Variants in ADAM19 observed in about 807,000 individuals in gnomAD.
ADAM19 encodes disintegrin and metalloproteinase domain-containing protein 19.
Under a neutral mutation model 114.7 loss-of-function variants are expected in ADAM19, and 65 were observed. That is an observed-to-expected ratio of 0.57 (90% CI 0.46 to 0.70). The LOEUF (loss-of-function observed/expected upper bound fraction) is 0.70, where lower values mean the gene tolerates loss of function less well. Among genes scored for constraint, ADAM19 ranks in the 30% least tolerant of loss-of-function variants. The pLI, the probability that ADAM19 is intolerant of heterozygous loss-of-function variation, is 0.00. For synonymous variants in ADAM19, 466 were observed against 460.5 expected, an observed-to-expected ratio of 1.01 and a Z score of -0.15; for missense variants, 1,063 against 1,204.7, an observed-to-expected ratio of 0.88 and a Z score of 1.74.
chr5:157,534,563 C>G (rs1322688428), intron 4 of ADAM19, among the ~76,000 whole-genome samples: 1 of 152,092 alleles, frequency 6.6e-6, no homozygotes, highest in East Asian at 1.9e-4. Context: ...GAGGCCAAGG[C>G]AAGAGGATCA....
At chr5:157,493,387 C>T (rs1345753170) in intron 15 of ADAM19, among the ~76,000 whole-genome samples, 1 of 152,150 alleles carries the variant, frequency 6.6e-6, no homozygotes, top group East Asian at 1.9e-4. Context: ...TGACCCTGAG[C>T]AAATCTAGAC....
chr5:157,554,403 G>A lies in ADAM19; in HGVS notation c.251+9970C>T, dbSNP rs189973139. 2.8e-4 allele frequency among the ~76,000 whole-genome samples: 42 copies of A among 152,360 alleles called. No homozygotes were observed. In the East Asian group the frequency reaches 7.9e-3, roughly 29 times the overall value. On this transcript the variant is annotated intron_variant, in intron 3 of 22. Coordinates refer to ENST00000257527, the MANE Select transcript of ADAM19 (RefSeq NM_033274.5). ...TGGCTGCACAGGCAGCCCTGGCTGC[G>A]GATCCCTGGAAGGAGAGCCGGAACC...
chr5:157,477,559 T>C lies in ADAM19; in HGVS notation c.*3390A>G, dbSNP rs1456957519. On this transcript the variant is annotated 3_prime_UTR_variant, in exon 23 of 23. Coordinates refer to ENST00000257527, the MANE Select transcript of ADAM19 (RefSeq NM_033274.5). The stretch of plus-strand genomic sequence containing the variant: ...CGCGTTGGGGGTGACTTTGGAAATG[T>C]GGGCTTGGATTCTACAGAACCTCTC... The C allele has an allele frequency of 9.2e-6, 11 of 1,191,762 alleles. No homozygotes were observed. Among genetic ancestry groups the C allele is most frequent in the Non-Finnish European group, 1.1e-5 (10 of 937,624 alleles). 73.8% of individuals were successfully genotyped at this position (1,191,762 alleles called of 1,614,324 possible).
intron 14 of ADAM19, 47 bp from the exon 15 acceptor site, chr5:157,494,842 C>T (rs1030951115): frequency 4.0e-6 from 6 of 1,490,494 alleles, no homozygotes; most frequent in Non-Finnish European, 5.6e-6. Flanking sequence ...TGTCAGAAGC[C>T]CCCAAGGGCA....
intron 3 of ADAM19, among the ~76,000 whole-genome samples, chr5:157,560,979 G>C (rs1015536611): frequency 6.6e-6 from 1 of 152,142 alleles, no homozygotes; most frequent in African/African-American, 2.4e-5. Flanking sequence ...TATGACATGG[G>C]ACTATAATTA....
intron 21 of ADAM19, among the ~76,000 whole-genome samples, chr5:157,485,215 A>G (rs1247585463): frequency 6.6e-6 from 1 of 152,148 alleles, no homozygotes. Context: ...AGCTTTTACC[A>G]TCTTTCTTCA....
chr5:157,503,824 G>A (rs1755646021), intron 11 of ADAM19, among the ~76,000 whole-genome samples: 1 of 152,206 alleles, frequency 6.6e-6, no homozygotes, highest in African/African-American at 2.4e-5. Flanking sequence ...CTGTTCTAAG[G>A]ATGCAGAGGG....
chr5:157,562,353 T>C (rs1415125564), intron 3 of ADAM19, among the ~76,000 whole-genome samples: 5 of 152,096 alleles, frequency 3.3e-5, no homozygotes, highest in African/African-American at 9.7e-5. Flanking sequence ...TGCGGCTCAA[T>C]GGGAAACGAG....
rs1157862170 is a variant in ADAM19, at chr5:157,479,639, G to C, written c.*1310C>G. 1 of 985,848 alleles carries C rather than the reference G, an allele frequency of 1.0e-6. No homozygotes were observed. The highest frequency in any genetic ancestry group is 1.7e-5 in the African/African-American group (1 of 57,210). The allele number at this position is 985,848 out of a possible 1,614,324, so 61.1% of individuals were successfully genotyped here. A position where few individuals can be genotyped will look rare whatever the true frequency, so the allele number is the denominator to read the frequency against. ...CTCTCTTTCTGTGAGGGTCAGGTAA[G>C]GGCAGTGACCAGAGAGAGAACAAAA... On this transcript the variant is annotated 3_prime_UTR_variant, in exon 23 of 23. Transcript: ENST00000257527.
rs745502767 is a variant in ADAM19 at position 157,489,180 on chromosome 5, G to A, written c.2247C>T (p.Pro749=). 1.2e-5 allele frequency: 20 copies of A among 1,613,196 alleles called. No individual in the cohort carries two copies. Among genetic ancestry groups the A allele is most frequent in the Non-Finnish European group, 1.5e-5 (18 of 1,179,312 alleles). The stretch of plus-strand genomic sequence containing the variant: ...TCCCGCTGTTCTGAGAAACCCTGAA[G>A]GGACAACTAGAAACAAGAAATGGGG... The part of the protein sequence containing the change: ...PSKLRQQFSC[P]FRVSQNSGTG... Residue 749 remains proline, a synonymous_variant, in exon 20 of 23, where the codon CCC becomes CCT. Transcript: ENST00000257527.
intron 5 of ADAM19, among the ~76,000 whole-genome samples, chr5:157,521,974 A>C (rs926633189): frequency 1.3e-5 from 2 of 152,218 alleles, no homozygotes; most frequent in African/African-American, 4.8e-5. Flanking sequence ...CCATAGAGGA[A>C]TCAGGGAAAG....
intron 3 of ADAM19, among the ~76,000 whole-genome samples, chr5:157,540,647 C>G (rs1020363040): frequency 6.6e-6 from 1 of 152,164 alleles, no homozygotes; most frequent in African/African-American, 2.4e-5. Flanking sequence ...GCAGGCAGTA[C>G]ATGTGCATTC....
rs1755299042 is a variant in ADAM19, at chr5:157,494,718, T to C, written c.1672A>G (p.Met558Val). 3.7e-6 allele frequency: 6 copies of C among 1,613,600 alleles called. No homozygotes were observed. Among genetic ancestry groups the C allele is most frequent in the Admixed American group, 1.7e-5 (1 of 60,002 alleles). The change falls in exon 15 of 23, where the codon ATG becomes GTG. Residue 558 changes from methionine to valine, a missense_variant. Physicochemically the swap from Met to Val is conservative, Grantham distance 21. Around this residue, in one of 3 missense-constraint regions of ADAM19, gnomAD observed 24 missense variants for 53.0 expected, o/e 0.45. Transcript: ENST00000257527. ...TTGCACTTCCTGTGTTCACCATTCA[T>C]GTCCTTTCCACAGTTTCCAAAGGTG... ...GDTFGNCGKD[M>V]NGEHRKCNMR... is the part of the protein sequence containing the mutation.
intron 6 of ADAM19, 121 bp from the exon 7 acceptor site, chr5:157,519,009 C>A (rs1175383863): frequency 2.4e-6 from 2 of 821,494 alleles, no homozygotes; most frequent in Non-Finnish European, 4.1e-6. Context: ...TTTTGTCATT[C>A]GGCACTAGAG....
chr5:157,513,342 C>T, intron 8 of ADAM19, 92 bp downstream of exon 8: 7 of 1,291,238 alleles, frequency 5.4e-6, no homozygotes, highest in South Asian at 2.4e-5. Context: ...CAGAAGATGG[C>T]TGGGGCAGCC....
At chr5:157,516,668 G>A (rs1044386718) in intron 7 of ADAM19, among the ~76,000 whole-genome samples, 2 of 152,112 alleles carry the variant, frequency 1.3e-5, no homozygotes, top group African/African-American at 4.8e-5. Context: ...GGATTCTGTA[G>A]CTGAAAAAAA....
At chr5:157,536,601 C>A (rs1417967203) in intron 4 of ADAM19, among the ~76,000 whole-genome samples, 2 of 152,032 alleles carry the variant, frequency 1.3e-5, no homozygotes, top group African/African-American at 4.8e-5. Flanking sequence ...GCACTCCAGC[C>A]TAGGTTACAG....
chr5:157,480,484 G>C lies in ADAM19; in HGVS notation c.*465C>G. On this transcript the variant is annotated 3_prime_UTR_variant, in exon 23 of 23. Transcript: ENST00000257527. The stretch of plus-strand genomic sequence containing the variant: ...TCCTTAATCCCTAAAAGCTAAAAGG[G>C]GTGGGTAAGTACCAGCCTCCATCCA... 2.0e-6 allele frequency: 2 copies of C among 992,340 alleles called. No individual in the cohort carries two copies. The highest frequency in any genetic ancestry group is 2.4e-6 in the Non-Finnish European group (2 of 834,440). 61.5% of individuals were successfully genotyped at this position (992,340 alleles called of 1,614,324 possible). A position where few individuals can be genotyped will look rare whatever the true frequency, so the allele number is the denominator to read the frequency against.
chr5:157,540,444 CT>C (rs1183267569), intron 3 of ADAM19, among the ~76,000 whole-genome samples: 2 of 152,176 alleles, frequency 1.3e-5, no homozygotes, highest in Non-Finnish European at 2.9e-5. Flanking sequence ...TTCTCAGCCT[CT>C]TCTGAGACTT....
Sources: allele counts gnomAD v4.1 joint callset (sites outside exome capture counted in the v4.1 genomes callset), GRCh38; gene constraint gnomAD v4.1.1; regional missense constraint gnomAD v4.1.1; transcripts MANE v1.5; gene names NCBI Gene and HGNC (gene_info 2026-07-23, HGNC 2026-07-21).